The following SPATA31F3 variants were observed in gnomAD, a reference collection of about 807,000 sequenced individuals.
SPATA31F3 encodes the protein protein SPATA31F3.
chr9:34,889,829 T>C, the SPATA31F3 span, among the ~76,000 whole-genome samples: 4 of 152,242 alleles, frequency 2.6e-5, no homozygotes, highest in East Asian at 1.9e-4. Flanking sequence ...TGCAAAATTT[T>C]GGCCCAGCAA....
At chr9:34,893,221 G>T in the SPATA31F3 span, 1 of 458,354 alleles carries the variant, frequency 2.2e-6, no homozygotes, top group Non-Finnish European at 3.9e-6. Flanking sequence ...GTGTGGGCCG[G>T]GGTTGGCATT....
At chr9:34,895,507 A>G in the SPATA31F3 span, 12 of 398,364 alleles carry the variant, frequency 3.0e-5, no homozygotes, top group Non-Finnish European at 4.9e-5. Context: ...GCTAAGAGTA[A>G]CAAGAGAAAG....
the SPATA31F3 span, chr9:34,893,091 G>T: frequency 1.1e-6 from 1 of 924,516 alleles, no homozygotes; most frequent in Non-Finnish European, 1.6e-6. Context: ...TTGCAGATTT[G>T]GCAGCAGGGG....
the SPATA31F3 span, chr9:34,889,095 G>A: frequency 1.3e-5 from 5 of 398,576 alleles, no homozygotes; most frequent in Admixed American, 1.8e-4. Context: ...TATATTTGGA[G>A]AATGCCCTGC....
At chr9:34,893,041 C>T in the SPATA31F3 span, 1 of 943,982 alleles carries the variant, frequency 1.1e-6, no homozygotes. Context: ...TCTGGTTGTT[C>T]TCACCTGCCA....
At chr9:34,893,096 C>CA in the SPATA31F3 span, 1 of 919,484 alleles carries the variant, frequency 1.1e-6, no homozygotes, top group Non-Finnish European at 1.6e-6. Flanking sequence ...GATTTGGCAG[C>CA]AGGGGTCTGC....
At chr9:34,892,158 G>C in the SPATA31F3 span, among the ~76,000 whole-genome samples, 1 of 152,292 alleles carries the variant, frequency 6.6e-6, no homozygotes, top group Non-Finnish European at 1.5e-5. Flanking sequence ...CATCCTCTAG[G>C]CAGTGGACAG....
the SPATA31F3 span, among the ~76,000 whole-genome samples, chr9:34,893,910 C>G: frequency 6.6e-6 from 1 of 152,178 alleles, no homozygotes; most frequent in Non-Finnish European, 1.5e-5. Context: ...ATTCTGAGAG[C>G]TATTTGGTAT....
the SPATA31F3 span, among the ~76,000 whole-genome samples, chr9:34,893,898 G>A: frequency 0.074 from 11,228 of 152,250 alleles, 644 homozygotes; most frequent in African/African-American, 0.16. Context: ...TAGGACCTCT[G>A]CATTCTGAGA....
At chr9:34,893,039 T>G in the SPATA31F3 span, 1 of 946,416 alleles carries the variant, frequency 1.1e-6, no homozygotes, top group Non-Finnish European at 1.6e-6. Context: ...GATCTGGTTG[T>G]TCTCACCTGC....
the SPATA31F3 span, chr9:34,894,608 G>C: frequency 8.6e-5 from 34 of 397,606 alleles, no homozygotes; most frequent in Middle Eastern, 1.2e-3. Flanking sequence ...AAACCCCAGA[G>C]TCAGAACACT....
the SPATA31F3 span, among the ~76,000 whole-genome samples, chr9:34,893,966 T>C: frequency 6.6e-6 from 1 of 152,186 alleles, no homozygotes; most frequent in Non-Finnish European, 1.5e-5. Flanking sequence ...TCCTGTTCTC[T>C]AGAAATCTTA....
chr9:34,893,665 CG>C, the SPATA31F3 span, among the ~76,000 whole-genome samples: 1 of 151,886 alleles, frequency 6.6e-6, no homozygotes, highest in Non-Finnish European at 1.5e-5. Context: ...GCTGGGCTGA[CG>C]ATCTAGAGCT....
At chr9:34,894,375 A>C in the SPATA31F3 span, 1 of 398,236 alleles carries the variant, frequency 2.5e-6, no homozygotes, top group Non-Finnish European at 4.4e-6. Flanking sequence ...CTCTACCCCA[A>C]GCCAAGCTGA....
the SPATA31F3 span, among the ~76,000 whole-genome samples, chr9:34,889,938 A>G: frequency 6.6e-6 from 1 of 152,138 alleles, no homozygotes; most frequent in Non-Finnish European, 1.5e-5. Context: ...TTACTCTAAC[A>G]GCTTTGCAAA....
chr9:34,893,168 T>A, the SPATA31F3 span: 1 of 528,056 alleles, frequency 1.9e-6, no homozygotes, highest in Non-Finnish European at 3.2e-6. Flanking sequence ...AAGAGAAACA[T>A]GACAAACATT....
the SPATA31F3 span, among the ~76,000 whole-genome samples, chr9:34,889,894 C>G: frequency 6.6e-6 from 1 of 152,166 alleles, no homozygotes; most frequent in Admixed American, 6.5e-5. Flanking sequence ...GTTTGGCATT[C>G]TCAGAAATCC....
At chr9:34,893,245 C>T in the SPATA31F3 span, 6 of 438,098 alleles carry the variant, frequency 1.4e-5, no homozygotes, top group Middle Eastern at 7.8e-4. Flanking sequence ...CTTTCCCAGT[C>T]CTGAAAATCC....
At chr9:34,890,332 T>C in the SPATA31F3 span, among the ~76,000 whole-genome samples, 1 of 152,224 alleles carries the variant, frequency 6.6e-6, no homozygotes, top group African/African-American at 2.4e-5. Flanking sequence ...GTCAACTGTT[T>C]TCTCTGCTGG....
Sources: gnomAD v4.1 joint callset for allele counts (sites outside exome capture counted in the v4.1 genomes callset) on GRCh38, gnomAD v4.1.1 for gene constraint, MANE v1.5 for transcripts, NCBI Gene and HGNC (gene_info 2026-07-23, HGNC 2026-07-21) for gene names.